Variants in SLC25A21 observed in about 807,000 individuals in gnomAD.
The protein encoded by SLC25A21 is solute carrier family 25 member 21.
A neutral mutation model predicts 43.8 loss-of-function variants in SLC25A21; 47 were observed. That is an observed-to-expected ratio of 1.07 (90% CI 0.85 to 1.37). The LOEUF is 1.37. Among genes scored for constraint, SLC25A21 ranks in the 40% most tolerant of loss-of-function variants. SLC25A21 has a pLI of 0.00. For synonymous variants in SLC25A21, 131 were observed against 121.3 expected (o/e 1.08, Z -0.52); for missense variants, 352 against 350.2 (o/e 1.00, Z -0.04).
intron 1 of SLC25A21, among the ~76,000 whole-genome samples, chr14:37,054,403 A>AT (rs1397280662): frequency 1.3e-5 from 2 of 152,290 alleles, no homozygotes; most frequent in East Asian, 3.9e-4. Flanking sequence ...ATAAAATACA[A>AT]TTTTTTTGTT....
Position 36,678,426 on chromosome 14 carries a change from C to G in SLC25A21, c.*2232G>C. ...TAAGCAGAAGGAGCAGATGAACTCT[C>G]AGGGCCATAGTCTTCCTTTGATCTT... is the stretch of plus-strand genomic sequence containing the variant. On this transcript the variant is annotated 3_prime_UTR_variant, in exon 10 of 10. Coordinates refer to ENST00000331299, the MANE Select transcript of SLC25A21 (RefSeq NM_030631.4). 2.9e-6 allele frequency: 4 copies of G among 1,374,154 alleles called. No homozygotes were observed. The highest frequency in any genetic ancestry group is 4.0e-6 in the Non-Finnish European group (4 of 998,404). 85.1% of individuals were successfully genotyped at this position (1,374,154 alleles called of 1,614,324 possible). A position where few individuals can be genotyped will look rare whatever the true frequency, so the allele number is the denominator to read the frequency against.
At chr14:36,934,153 G>A (rs1234433042) in intron 1 of SLC25A21, among the ~76,000 whole-genome samples, 1 of 152,092 alleles carries the variant, frequency 6.6e-6, no homozygotes, top group Admixed American at 6.6e-5. Context: ...GTTTTAGAAA[G>A]AAGTTTATTT....
Position 36,680,187 on chromosome 14 carries a change from G to T in SLC25A21, c.*471C>A. Reference sequence around the variant, plus strand: ...TTGTGCTCTTTAAATATTATTTATGGAATAATTTAATTCATTATAAAAACT... The same window carrying T: ...TTGTGCTCTTTAAATATTATTTATGTAATAATTTAATTCATTATAAAAACT... On this transcript the variant is annotated 3_prime_UTR_variant, in exon 10 of 10. Coordinates refer to ENST00000331299, the MANE Select transcript of SLC25A21 (RefSeq NM_030631.4). The T allele has an allele frequency of 1.2e-6, 1 of 830,750 alleles. No homozygotes were observed. The highest frequency in any genetic ancestry group is 5.6e-5 in the South Asian group (1 of 17,908). 51.5% of individuals were successfully genotyped at this position (830,750 alleles called of 1,614,324 possible).
At chr14:36,741,390 T>C (rs1372005989) in intron 3 of SLC25A21, among the ~76,000 whole-genome samples, 1 of 152,198 alleles carries the variant, frequency 6.6e-6, no homozygotes, top group Admixed American at 6.5e-5. Context: ...AATGTTACCA[T>C]AAAACTAAAC....
chr14:37,102,900 G>A (rs779219275), intron 1 of SLC25A21, among the ~76,000 whole-genome samples: 4 of 151,626 alleles, frequency 2.6e-5, no homozygotes, highest in Non-Finnish European at 4.4e-5. Flanking sequence ...CAGGAGAATC[G>A]CTTGAACCCA....
chr14:37,097,029 G>GTTTTTTTTTTT (rs1235443891), intron 1 of SLC25A21: 3 of 130,684 alleles, frequency 2.3e-5, no homozygotes, highest in African/African-American at 8.7e-5. Context: ...TTTTTTTTTT[G>GTTTTTTTTTTT]TTTTTTTTTT....
At chr14:37,072,836 C>T (rs1000425951) in intron 1 of SLC25A21, among the ~76,000 whole-genome samples, 4 of 152,160 alleles carry the variant, frequency 2.6e-5, no homozygotes, top group Non-Finnish European at 5.9e-5. Context: ...CTTAAAAGAA[C>T]CGCTGGTTAT....
At position 36,879,514 on chromosome 14, in the gene SLC25A21, A is replaced by G. The variant is rs115808729; in HGVS notation, c.71-4510T>C. The stretch of plus-strand genomic sequence containing the variant: ...ATGTCATGTTAGTGAGCATGACTAT[A>G]TCTCTAAGATTTGAATGAAACTGGT... On this transcript the variant is annotated intron_variant, in intron 1 of 9. Transcript: ENST00000331299. 5.9e-3 allele frequency among the ~76,000 whole-genome samples: 899 copies of G among 152,238 alleles called. 7 individuals carry two copies. Among genetic ancestry groups the G allele is most frequent in the African/African-American group, 0.021 (867 of 41,554 alleles).
chr14:36,794,605 CA>C (rs1258145409), intron 3 of SLC25A21, among the ~76,000 whole-genome samples: 7 of 151,808 alleles, frequency 4.6e-5, no homozygotes, highest in Non-Finnish European at 8.8e-5. Flanking sequence ...CTGTCTCCAC[CA>C]AAAACACAAA....
intron 1 of SLC25A21, among the ~76,000 whole-genome samples, chr14:36,945,764 A>G (rs926245192): frequency 6.6e-5 from 10 of 152,152 alleles, no homozygotes; most frequent in Non-Finnish European, 1.3e-4. Context: ...CAATTTTGCA[A>G]CAGGAAAAGA....
intron 1 of SLC25A21, among the ~76,000 whole-genome samples, chr14:37,019,211 C>T (rs935035103): frequency 3.9e-5 from 6 of 151,928 alleles, no homozygotes; most frequent in African/African-American, 1.4e-4. Context: ...GATTACTATA[C>T]TTCAGCCATG....
chr14:36,782,467 T>A (rs1887099993), intron 3 of SLC25A21, among the ~76,000 whole-genome samples: 1 of 152,176 alleles, frequency 6.6e-6, no homozygotes, highest in Non-Finnish European at 1.5e-5. Context: ...CTTGGTAGTG[T>A]CATATTCCCT....
At chr14:36,855,404 T>C (rs552445764) in intron 2 of SLC25A21, among the ~76,000 whole-genome samples, 5 of 152,118 alleles carry the variant, frequency 3.3e-5, no homozygotes, top group Middle Eastern at 6.8e-3. Context: ...ACACTGGATA[T>C]TGGGTAGCGA....
chr14:36,774,420 G>T (rs1886743925), intron 3 of SLC25A21, among the ~76,000 whole-genome samples: 1 of 152,162 alleles, frequency 6.6e-6, no homozygotes, highest in African/African-American at 2.4e-5. Flanking sequence ...TTATTTCTCA[G>T]TACTTTTCCT....
At chr14:36,736,563 T>G (rs1055368445) in intron 3 of SLC25A21, among the ~76,000 whole-genome samples, 6 of 152,226 alleles carry the variant, frequency 3.9e-5, no homozygotes, top group African/African-American at 1.4e-4. Flanking sequence ...ATAAAGGTTA[T>G]TAGTTCTGTT....
chr14:37,168,250 G>A (rs912197583), intron 1 of SLC25A21, among the ~76,000 whole-genome samples: 1 of 151,884 alleles, frequency 6.6e-6, no homozygotes, highest in African/African-American at 2.4e-5. Context: ...TCTCATCATT[G>A]GTTTCTCTGA....
At chr14:36,691,600 G>A (rs974760248) in intron 7 of SLC25A21, among the ~76,000 whole-genome samples, 1 of 152,158 alleles carries the variant, frequency 6.6e-6, no homozygotes, top group African/African-American at 2.4e-5. Flanking sequence ...TTTAAAAACT[G>A]TTATTGACTT....
intron 3 of SLC25A21, among the ~76,000 whole-genome samples, chr14:36,766,456 C>T (rs1455108450): frequency 1.3e-5 from 2 of 152,136 alleles, no homozygotes; most frequent in Admixed American, 1.3e-4. Context: ...GATTTCTCTC[C>T]TGCTCAAATG....
intron 3 of SLC25A21, among the ~76,000 whole-genome samples, chr14:36,810,967 G>A (rs369247552): frequency 3.0e-5 from 1 of 33,532 alleles, no homozygotes; most frequent in African/African-American, 8.1e-5. Context: ...GAGGGTCAGG[G>A]AGGGTGAAAT....
Sources: gnomAD v4.1 joint callset for allele counts (sites outside exome capture counted in the v4.1 genomes callset) on GRCh38, gnomAD v4.1.1 for gene constraint, MANE v1.5 for transcripts, NCBI Gene and HGNC (gene_info 2026-07-23, HGNC 2026-07-21) for gene names.